The following PXYLP1 variants were observed in gnomAD, a reference collection of about 807,000 sequenced individuals.
The protein encoded by PXYLP1 is 2-phosphoxylose phosphatase 1, also known as acid phosphatase-like 2.
PXYLP1 carries 17 observed loss-of-function variants against 37.9 expected under a neutral mutation model. The observed-to-expected ratio is 0.45, with a 90% CI of 0.31 to 0.67. The LOEUF (loss-of-function observed/expected upper bound fraction) is 0.67, where lower values mean the gene tolerates loss of function less well. Ranked by LOEUF, PXYLP1 falls within the 30% of genes least tolerant of loss-of-function variation. The probability of loss-of-function intolerance (pLI) is 0.07; values close to 1 mark genes in which losing one functional copy is unlikely to be tolerated. For synonymous variants in PXYLP1, 221 were observed against 232.2 expected (o/e 0.95, Z 0.44); for missense variants, 511 against 612.0 (o/e 0.84, Z 1.74).
intron 1 of PXYLP1, among the ~76,000 whole-genome samples, chr3:141,248,529 A>G (rs1448026589): frequency 1.3e-5 from 2 of 148,408 alleles, no homozygotes; most frequent in Non-Finnish European, 3.0e-5. Flanking sequence ...ACACACACGT[A>G]TATATATACA....
chr3:141,264,001 A>G (rs1941452350), intron 2 of PXYLP1, among the ~76,000 whole-genome samples: 1 of 152,320 alleles, frequency 6.6e-6, no homozygotes, highest in African/African-American at 2.4e-5. Context: ...AGCTTTTGAA[A>G]TAGATCACGC....
At chr3:141,243,434 C>G (rs146084891) in intron 1 of PXYLP1, among the ~76,000 whole-genome samples, 49 of 152,360 alleles carry the variant, frequency 3.2e-4, no homozygotes, top group Middle Eastern at 3.4e-3. Flanking sequence ...CAGCCCTCCT[C>G]CACCCTGTTC....
At chr3:141,270,775 GTGGA>G (rs2148790677) in intron 2 of PXYLP1, among the ~76,000 whole-genome samples, 1 of 152,316 alleles carries the variant, frequency 6.6e-6, no homozygotes, top group African/African-American at 2.4e-5. Context: ...TTGTGAAGGG[GTGGA>G]CGCAGGGGTT....
At chr3:141,267,692 T>C (rs1364156511) in intron 2 of PXYLP1, 2 of 151,898 alleles carry the variant, frequency 1.3e-5, no homozygotes, top group East Asian at 1.9e-4. Context: ...TTTCTTAAGC[T>C]CATGTTGTAG....
intron 2 of PXYLP1, among the ~76,000 whole-genome samples, chr3:141,266,700 G>C (rs1199689746): frequency 7.1e-6 from 1 of 141,066 alleles, no homozygotes; most frequent in African/African-American, 2.6e-5. Context: ...GAGGGGGAGA[G>C]AGGGAGAGAC....
chr3:141,241,992 C>T (rs1452494198), intron 1 of PXYLP1, among the ~76,000 whole-genome samples: 1 of 152,184 alleles, frequency 6.6e-6, no homozygotes, highest in East Asian at 1.9e-4. Flanking sequence ...ACCAGAACTC[C>T]AGCATGTAGT....
At chr3:141,240,495 C>T (rs923429119) in intron 1 of PXYLP1, among the ~76,000 whole-genome samples, 1 of 152,022 alleles carries the variant, frequency 6.6e-6, no homozygotes, top group Admixed American at 6.5e-5. Flanking sequence ...GTGGGCCAGG[C>T]TCAGAGGTGC....
intron 5 of PXYLP1, among the ~76,000 whole-genome samples, chr3:141,288,610 C>T (rs773884643): frequency 3.9e-5 from 6 of 152,154 alleles, no homozygotes; most frequent in Non-Finnish European, 5.9e-5. Context: ...TATAATGTAA[C>T]CAGCCAGGCA....
chr3:141,244,616 G>A (rs1940892498), intron 1 of PXYLP1, among the ~76,000 whole-genome samples: 1 of 147,182 alleles, frequency 6.8e-6, no homozygotes, highest in Non-Finnish European at 1.5e-5. Context: ...TTTGTTTTCT[G>A]TCTTTTGTTT....
chr3:141,248,526 CGTATATATAT>C (rs1941022543), intron 1 of PXYLP1, among the ~76,000 whole-genome samples: 9 of 144,790 alleles, frequency 6.2e-5, no homozygotes, highest in African/African-American at 2.4e-4. Context: ...CACACACACA[CGTATATATAT>C]ACACACACGT....
chr3:141,258,649 G>A (rs889825006), intron 1 of PXYLP1: 97 of 163,312 alleles, frequency 5.9e-4, no homozygotes, highest in African/African-American at 2.1e-3. Context: ...ACTAAGGCAC[G>A]TCCCATACCG....
chr3:141,279,520 T>C lies in PXYLP1; in HGVS notation c.365+16T>C. 6.2e-7 allele frequency: 1 copy of C among 1,614,166 alleles called. No individual in the cohort carries two copies. Among genetic ancestry groups the C allele is most frequent in the Non-Finnish European group, 8.5e-7 (1 of 1,179,978 alleles). ...TGGCTAACAGGTAAATTGCACTTTT[T>C]CTAAAAGTCATTTTCAAGTGTCTGT... On this transcript the variant is annotated intron_variant, in intron 4 of 5. Coordinates refer to ENST00000286353, the MANE Select transcript of PXYLP1 (RefSeq NM_001037172.3).
chr3:141,282,482 A>AC lies in PXYLP1; in HGVS notation c.365+2978_365+2979insC. On this transcript the variant is annotated intron_variant, in intron 4 of 5. Coordinates refer to ENST00000286353, the MANE Select transcript of PXYLP1 (RefSeq NM_001037172.3). ...GCATCTGTTACTTTCTAACCCAGAC[A>AC]AACACACACACACACACACACACAC... 9.9e-5 allele frequency among the ~76,000 whole-genome samples: 11 copies of AC among 110,882 alleles called. No homozygotes were observed. The East Asian group carries it at 1.4e-3, about 14-fold the overall frequency. The allele number at this position is 110,882 out of a possible 152,430, so 72.7% of individuals were successfully genotyped here.
intron 2 of PXYLP1, among the ~76,000 whole-genome samples, chr3:141,263,518 G>C (rs1941440642): frequency 2.0e-5 from 3 of 152,206 alleles, no homozygotes. Flanking sequence ...CAAATTAAAG[G>C]ACTCCTTTAG....
intron 2 of PXYLP1, among the ~76,000 whole-genome samples, chr3:141,263,527 A>C (rs1941440722): frequency 6.6e-6 from 1 of 152,270 alleles, no homozygotes; most frequent in Non-Finnish European, 1.5e-5. Context: ...GGACTCCTTT[A>C]GTGCAGCAAG....
At chr3:141,279,542 C>CT (rs764812381) in intron 4 of PXYLP1, 38 bp downstream of exon 4, 27 of 1,611,790 alleles carry the variant, frequency 1.7e-5, no homozygotes, top group Non-Finnish European at 2.0e-5. Flanking sequence ...TTTCAAGTGT[C>CT]TGTTATATCC....
chr3:141,282,795 G>T (rs142798222), intron 4 of PXYLP1, among the ~76,000 whole-genome samples: 1 of 152,220 alleles, frequency 6.6e-6, no homozygotes, highest in African/African-American at 2.4e-5. Context: ...GGGTATGAAA[G>T]GCAGGCCCGA....
chr3:141,272,379 A>G lies in PXYLP1; in HGVS notation c.80-5963A>G, dbSNP rs372491239. Among the ~76,000 whole-genome samples the G allele has an allele frequency of 2.6e-5, 4 of 152,196 alleles. No homozygotes were observed. The East Asian group carries it at 5.8e-4, about 22-fold the overall frequency. On this transcript the variant is annotated intron_variant, in intron 2 of 5. Transcript: ENST00000286353. ...CTGGCCTTTTCCCTCCTTATTTTCT[A>G]TTCCATGGGGACCATCAATGGAATA...
At chr3:141,256,391 C>G (rs951728413) in intron 1 of PXYLP1, among the ~76,000 whole-genome samples, 4 of 152,202 alleles carry the variant, frequency 2.6e-5, no homozygotes, top group African/African-American at 9.7e-5. Context: ...ATCTTTGGAG[C>G]CTCGTCCTTT....
Sources: gnomAD v4.1 joint callset for allele counts (sites outside exome capture counted in the v4.1 genomes callset) on GRCh38, gnomAD v4.1.1 for gene constraint, MANE v1.5 for transcripts, NCBI Gene and HGNC (gene_info 2026-07-23, HGNC 2026-07-21) for gene names.